NTNG1: variants seen among roughly 807,000 people sequenced by gnomAD.
NTNG1 encodes the protein netrin G1.
In NTNG1, 16 loss-of-function variants were observed where a neutral mutation model predicts 54.0. The ratio of observed to expected loss-of-function variants is 0.30; its 90% CI spans 0.20 to 0.45. The LOEUF is 0.45. Among genes scored for constraint, NTNG1 ranks in the 20% least tolerant of loss-of-function variants. The pLI, the probability that NTNG1 is intolerant of heterozygous loss-of-function variation, is 1.00. For synonymous variants in NTNG1, 255 were observed against 263.1 expected, an observed-to-expected ratio of 0.97 and a Z score of 0.30; for missense variants, 530 against 678.7, an observed-to-expected ratio of 0.78 and a Z score of 2.43.
intron 3 of NTNG1, among the ~76,000 whole-genome samples, chr1:107,341,233 C>G (rs373330047): frequency 6.6e-5 from 10 of 152,204 alleles, no homozygotes; most frequent in African/African-American, 2.2e-4. Context: ...TTGTCTTCCT[C>G]TACTAACTCT....
intron 6 of NTNG1, among the ~76,000 whole-genome samples, chr1:107,435,357 A>T (rs1489582100): frequency 1.3e-5 from 2 of 152,162 alleles, no homozygotes; most frequent in African/African-American, 4.8e-5. Flanking sequence ...TTAAGTACAA[A>T]CTAAGCCAGG....
intron 3 of NTNG1, among the ~76,000 whole-genome samples, chr1:107,364,463 A>T (rs1349668766): frequency 2.0e-5 from 3 of 152,196 alleles, no homozygotes; most frequent in Non-Finnish European, 2.9e-5. Flanking sequence ...GAATTATTTC[A>T]TTCAGACATA....
intron 3 of NTNG1, among the ~76,000 whole-genome samples, chr1:107,373,144 T>G (rs1328131542): frequency 2.0e-5 from 3 of 152,118 alleles, no homozygotes; most frequent in Non-Finnish European, 2.9e-5. Context: ...CTTGTCCCAT[T>G]CTTATTGTTC....
At chr1:107,357,161 A>G (rs907473823) in intron 3 of NTNG1, among the ~76,000 whole-genome samples, 2 of 152,076 alleles carry the variant, frequency 1.3e-5, no homozygotes, top group African/African-American at 4.8e-5. Flanking sequence ...GGCCCTGACA[A>G]TTGTGTCCAT....
chr1:107,167,492 ATATT>A (rs1655893531), intron 2 of NTNG1, among the ~76,000 whole-genome samples: 1 of 151,746 alleles, frequency 6.6e-6, no homozygotes, highest in Non-Finnish European at 1.5e-5. Context: ...ATGTATTTTT[ATATT>A]TGTATAAAAA....
chr1:107,475,934 G>C (rs1295430401), intron 7 of NTNG1, among the ~76,000 whole-genome samples: 1 of 152,126 alleles, frequency 6.6e-6, no homozygotes, highest in Non-Finnish European at 1.5e-5. Context: ...ATCCAGCGTT[G>C]AGAACCACTA....
chr1:107,327,397 T>G (rs1251043890), intron 3 of NTNG1, among the ~76,000 whole-genome samples: 1 of 152,152 alleles, frequency 6.6e-6, no homozygotes, highest in Non-Finnish European at 1.5e-5. Flanking sequence ...CAGGGGCCTT[T>G]CAGCATAGAA....
chr1:107,202,945 G>A (rs1658871734), intron 2 of NTNG1, among the ~76,000 whole-genome samples: 2 of 151,798 alleles, frequency 1.3e-5, no homozygotes, highest in East Asian at 3.9e-4. Context: ...ATGTCTTTGA[G>A]ATGAATCTAT....
Position 107,276,803 on chromosome 1 carries a change from T to A in NTNG1, c.247-47479T>A, listed in dbSNP as rs139341011. On this transcript the variant is annotated intron_variant, in intron 2 of 7. Coordinates refer to ENST00000370068, the MANE Select transcript of NTNG1 (RefSeq NM_001113226.3). ...TCATGCCTAGTATTCCCTGGCCTCC[T>A]TCCAGGCCATTTAAATTTTCTTCTT... Among the ~76,000 whole-genome samples, 54 of 150,258 alleles carry A rather than the reference T, an allele frequency of 3.6e-4. 2 individuals are homozygous for A. Among genetic ancestry groups the A allele is most frequent in the African/African-American group, 1.3e-3 (53 of 39,916 alleles).
At chr1:107,355,007 T>C (rs985599821) in intron 3 of NTNG1, among the ~76,000 whole-genome samples, 15 of 152,320 alleles carry the variant, frequency 9.8e-5, no homozygotes, top group African/African-American at 3.4e-4. Flanking sequence ...ATGCTACTTC[T>C]GTCTTATATT....
At chr1:107,160,726 C>T (rs1188524345) in intron 2 of NTNG1, among the ~76,000 whole-genome samples, 2 of 152,130 alleles carry the variant, frequency 1.3e-5, no homozygotes, top group African/African-American at 4.8e-5. Context: ...TGTCATTGCT[C>T]CCACCTTGCT....
At chr1:107,155,679 A>G (rs1654936661) in intron 2 of NTNG1, among the ~76,000 whole-genome samples, 1 of 152,196 alleles carries the variant, frequency 6.6e-6, no homozygotes, top group Non-Finnish European at 1.5e-5. Flanking sequence ...GTAGGAATTC[A>G]CTAAAGACTA....
At chr1:107,166,704 T>TA (rs1291683439) in intron 2 of NTNG1, among the ~76,000 whole-genome samples, 2 of 152,110 alleles carry the variant, frequency 1.3e-5, no homozygotes, top group Non-Finnish European at 2.9e-5. Flanking sequence ...ATTTTTTTTT[T>TA]ATGAAGATTA....
intron 3 of NTNG1, among the ~76,000 whole-genome samples, chr1:107,388,873 G>A (rs1672186204): frequency 6.6e-6 from 1 of 152,178 alleles, no homozygotes; most frequent in South Asian, 2.1e-4. Context: ...AAGAATGTGA[G>A]AGGCACTGTA....
chr1:107,272,698 T>G (rs774553271), intron 2 of NTNG1, among the ~76,000 whole-genome samples: 1 of 152,214 alleles, frequency 6.6e-6, no homozygotes, highest in African/African-American at 2.4e-5. Context: ...AAAGCCATTC[T>G]GTATGTAAGA....
intron 3 of NTNG1, among the ~76,000 whole-genome samples, chr1:107,374,149 T>C (rs1286887036): frequency 6.6e-6 from 1 of 152,238 alleles, no homozygotes; most frequent in African/African-American, 2.4e-5. Context: ...TAACATGTCC[T>C]TTATTCTTCT....
chr1:107,265,656 C>T (rs950673990), intron 2 of NTNG1, among the ~76,000 whole-genome samples: 7 of 152,126 alleles, frequency 4.6e-5, no homozygotes, highest in African/African-American at 1.7e-4. Context: ...TCTAAATCAG[C>T]TTTCTGTTAA....
At chr1:107,208,774 G>A (rs1055827763) in intron 2 of NTNG1, among the ~76,000 whole-genome samples, 1 of 152,094 alleles carries the variant, frequency 6.6e-6, no homozygotes, top group Non-Finnish European at 1.5e-5. Flanking sequence ...CAGTTTCTCA[G>A]GAGAGTGGTC....
intron 3 of NTNG1, among the ~76,000 whole-genome samples, chr1:107,340,497 G>T (rs1223287108): frequency 6.6e-6 from 1 of 152,038 alleles, no homozygotes; most frequent in Admixed American, 6.6e-5. Context: ...TATTTGTTTA[G>T]CACTGATGAG....
Sources: allele counts gnomAD v4.1 joint callset (sites outside exome capture counted in the v4.1 genomes callset), GRCh38; gene constraint gnomAD v4.1.1; transcripts MANE v1.5; gene names NCBI Gene and HGNC (gene_info 2026-07-23, HGNC 2026-07-21).